The following LRP1B variants were observed in gnomAD, a reference collection of about 807,000 sequenced individuals.
LRP1B encodes LDL receptor related protein 1B.
Under a neutral mutation model 556.6 loss-of-function variants are expected in LRP1B, and 217 were observed. The observed-to-expected ratio is 0.39, with a 90% CI of 0.35 to 0.44. LRP1B has a LOEUF of 0.44. Among genes scored for constraint, LRP1B ranks in the 20% least tolerant of loss-of-function variants. The pLI, the probability that LRP1B is intolerant of heterozygous loss-of-function variation, is 1.00. For synonymous variants in LRP1B, 2,047 were observed against 1,865.8 expected, an observed-to-expected ratio of 1.10 and a Z score of -2.50; for missense variants, 5,053 against 5,620.8, an observed-to-expected ratio of 0.90 and a Z score of 3.23.
intron 2 of LRP1B, among the ~76,000 whole-genome samples, chr2:141,549,806 C>T (rs1424582134): frequency 6.6e-6 from 1 of 152,054 alleles, no homozygotes; most frequent in Non-Finnish European, 1.5e-5. Flanking sequence ...ACCAGACTGG[C>T]CAACATGGTG....
chr2:141,249,387 A>G (rs1000745228), intron 4 of LRP1B, among the ~76,000 whole-genome samples: 2 of 152,174 alleles, frequency 1.3e-5, no homozygotes, highest in African/African-American at 4.8e-5. Flanking sequence ...ACTTGAGGCC[A>G]GAAGTTTGCG....
intron 2 of LRP1B, among the ~76,000 whole-genome samples, chr2:141,659,617 G>C (rs1690137244): frequency 6.6e-6 from 1 of 152,110 alleles, no homozygotes; most frequent in South Asian, 2.1e-4. Context: ...TGGGGAGCTT[G>C]AGTCTGAAGT....
intron 71 of LRP1B, among the ~76,000 whole-genome samples, chr2:140,369,273 T>C (rs1458434682): frequency 1.3e-5 from 2 of 151,690 alleles, no homozygotes; most frequent in African/African-American, 2.4e-5. Flanking sequence ...TAACAGTAAA[T>C]AGGATGTATT....
At chr2:140,738,242 GT>G (rs1688015047) in intron 35 of LRP1B, among the ~76,000 whole-genome samples, 1 of 152,114 alleles carries the variant, frequency 6.6e-6, no homozygotes, top group Non-Finnish European at 1.5e-5. Flanking sequence ...TGTATCCAGT[GT>G]GGCCTGAGAT....
chr2:140,585,968 G>T (rs1355501606), intron 43 of LRP1B, among the ~76,000 whole-genome samples: 4 of 152,056 alleles, frequency 2.6e-5, no homozygotes, highest in Non-Finnish European at 5.9e-5. Context: ...CAAGGGCCTT[G>T]TTTTACAGAC....
At chr2:141,264,120 G>T (rs935515714) in intron 3 of LRP1B, among the ~76,000 whole-genome samples, 28 of 152,042 alleles carry the variant, frequency 1.8e-4, no homozygotes, top group Non-Finnish European at 2.9e-4. Context: ...CAAAGTTTAG[G>T]AACACAAATT....
intron 1 of LRP1B, among the ~76,000 whole-genome samples, chr2:141,993,551 C>T (rs754400173): frequency 6.6e-6 from 1 of 152,136 alleles, no homozygotes; most frequent in Non-Finnish European, 1.5e-5. Context: ...AAGCTGATAT[C>T]ACATGGAGCT....
At chr2:141,176,974 C>G (rs1206765128) in intron 7 of LRP1B, among the ~76,000 whole-genome samples, 1 of 152,046 alleles carries the variant, frequency 6.6e-6, no homozygotes, top group African/African-American at 2.4e-5. Flanking sequence ...CTGCTTTTTC[C>G]AAAATGTGTA....
chr2:140,931,808 T>G (rs1306966061), intron 20 of LRP1B, among the ~76,000 whole-genome samples: 1 of 152,040 alleles, frequency 6.6e-6, no homozygotes, highest in Non-Finnish European at 1.5e-5. Flanking sequence ...AACTCTTACA[T>G]TATCTAAATA....
intron 1 of LRP1B, among the ~76,000 whole-genome samples, chr2:142,105,901 A>G (rs900350630): frequency 6.6e-6 from 1 of 152,148 alleles, no homozygotes; most frequent in Non-Finnish European, 1.5e-5. Context: ...ATATCATTTA[A>G]CCCTGTTTTC....
chr2:140,345,917 TCTC>T (rs1014535861), intron 77 of LRP1B, among the ~76,000 whole-genome samples: 30 of 148,598 alleles, frequency 2.0e-4, no homozygotes, highest in Non-Finnish European at 4.0e-4. Context: ...TCAGCTCAAA[TCTC>T]CTCTCTTCAA....
intron 41 of LRP1B, among the ~76,000 whole-genome samples, chr2:140,612,953 C>T (rs1031516611): frequency 1.3e-5 from 2 of 151,730 alleles, no homozygotes; most frequent in East Asian, 3.9e-4. Context: ...ACACTTCAGT[C>T]TTGACTTGGG....
At chr2:141,472,650 T>TA (rs1391859550) in intron 3 of LRP1B, among the ~76,000 whole-genome samples, 3 of 152,164 alleles carry the variant, frequency 2.0e-5, no homozygotes, top group East Asian at 3.9e-4. Flanking sequence ...AAAGCTGTGA[T>TA]AAAAAATTAT....
chr2:141,153,843 G>A (rs569125880), intron 7 of LRP1B, among the ~76,000 whole-genome samples: 19 of 151,160 alleles, frequency 1.3e-4, no homozygotes, highest in Admixed American at 4.0e-4. Context: ...AAGACAGGAT[G>A]GGAAACAATA....
At chr2:141,129,836 A>G (rs895938840) in intron 7 of LRP1B, among the ~76,000 whole-genome samples, 1 of 119,130 alleles carries the variant, frequency 8.4e-6, no homozygotes, top group East Asian at 2.9e-4. Context: ...ATGATTTTTA[A>G]AAGTGTTCTT....
intron 83 of LRP1B, among the ~76,000 whole-genome samples, chr2:140,299,051 T>C (rs1573753013): frequency 6.6e-6 from 1 of 152,154 alleles, no homozygotes; most frequent in East Asian, 1.9e-4. Context: ...CTTGTCTTTG[T>C]AGACCTAGAG....
At chr2:140,752,143 T>A (rs970599864) in intron 35 of LRP1B, among the ~76,000 whole-genome samples, 3 of 151,912 alleles carry the variant, frequency 2.0e-5, no homozygotes, top group African/African-American at 7.3e-5. Flanking sequence ...GGTGAAACCC[T>A]GTCTCTACTA....
At chr2:140,683,486 T>G in intron 41 of LRP1B, 1 of 571,916 alleles carries the variant, frequency 1.7e-6, no homozygotes. Flanking sequence ...TGACCCAAGG[T>G]TTGAGATCTT....
intron 2 of LRP1B, among the ~76,000 whole-genome samples, chr2:141,518,177 C>T (rs1166043886): frequency 1.3e-5 from 2 of 151,264 alleles, no homozygotes; most frequent in African/African-American, 4.9e-5. Flanking sequence ...AAAACTGTAA[C>T]CATGATGAAG....
Sources: allele counts gnomAD v4.1 joint callset (sites outside exome capture counted in the v4.1 genomes callset), GRCh38; gene constraint gnomAD v4.1.1; transcripts MANE v1.5; gene names NCBI Gene and HGNC (gene_info 2026-07-23, HGNC 2026-07-21).